Variants in CDIN1 observed in about 807,000 individuals in gnomAD.
CDIN1 encodes CDAN1 interacting nuclease 1.
CDIN1 carries 33 observed loss-of-function variants against 45.3 expected under a neutral mutation model. The ratio of observed to expected loss-of-function variants is 0.73; its 90% CI spans 0.55 to 0.97. CDIN1 has a LOEUF of 0.97. CDIN1 is among the 50% of genes least tolerant of loss of function. CDIN1 has a pLI of 0.00. For missense variants in CDIN1, 303 were observed against 339.4 expected (o/e 0.89, Z 0.84); for synonymous variants, 118 against 124.4 (o/e 0.95, Z 0.34).
chr15:36,597,261 A>G (rs1221485469), intron 1 of CDIN1, among the ~76,000 whole-genome samples: 2 of 152,256 alleles, frequency 1.3e-5, no homozygotes, highest in Admixed American at 1.3e-4. Context: ...TTGTTTGGAA[A>G]TAAAATGCCA....
chr15:36,613,306 G>A (rs1403681158), intron 1 of CDIN1, among the ~76,000 whole-genome samples: 1 of 152,182 alleles, frequency 6.6e-6, no homozygotes, highest in African/African-American at 2.4e-5. Flanking sequence ...CACTTGGAAG[G>A]CTAATAGGTG....
intron 1 of CDIN1, chr15:36,626,816 G>T: frequency 3.8e-6 from 1 of 262,644 alleles, no homozygotes; most frequent in South Asian, 4.1e-5. Flanking sequence ...GGAAGTGGGG[G>T]TTGGGGAGGG....
chr15:36,783,725 G>A (rs1177087505), intron 10 of CDIN1, among the ~76,000 whole-genome samples: 1 of 152,148 alleles, frequency 6.6e-6, no homozygotes, highest in Non-Finnish European at 1.5e-5. Context: ...GCTTGCGGAA[G>A]TTTAATTTAC....
intron 5 of CDIN1, among the ~76,000 whole-genome samples, chr15:36,682,355 T>G (rs773764242): frequency 2.0e-5 from 3 of 152,124 alleles, no homozygotes; most frequent in Non-Finnish European, 2.9e-5. Flanking sequence ...TACTCAGCCT[T>G]TTAGTTCTAG....
At position 36,752,299 on chromosome 15, in the gene CDIN1, G is replaced by A. The variant is rs547306750; in HGVS notation, c.716+42338G>A. Among the ~76,000 whole-genome samples, 49 of 152,304 alleles carry A rather than the reference G, an allele frequency of 3.2e-4. No individual in the cohort carries two copies. The South Asian group carries it at 0.01, about 32-fold the overall frequency. Reference sequence around the variant, plus strand: ...ATATTAAATACAATGTTTAATTGATGACTCAAAACATACCTTAAGTTTATC... The same window carrying A: ...ATATTAAATACAATGTTTAATTGATAACTCAAAACATACCTTAAGTTTATC... On this transcript the variant is annotated intron_variant, in intron 10 of 10. Coordinates refer to ENST00000566621, the MANE Select transcript of CDIN1 (RefSeq NM_001321759.2).
chr15:36,723,226 A>ACCTC (rs869123080), intron 10 of CDIN1, among the ~76,000 whole-genome samples: 1 of 151,178 alleles, frequency 6.6e-6, no homozygotes, highest in East Asian at 2.0e-4. Flanking sequence ...AACCATTACC[A>ACCTC]CCATTTTAAA....
At chr15:36,690,180 A>T (rs1352788859) in intron 5 of CDIN1, among the ~76,000 whole-genome samples, 1 of 152,176 alleles carries the variant, frequency 6.6e-6, no homozygotes, top group Non-Finnish European at 1.5e-5. Flanking sequence ...TAAAATAATC[A>T]TGCTTCATTT....
chr15:36,791,281 A>ATTTATTCAATGTCTACTG (rs1329807270), intron 10 of CDIN1, among the ~76,000 whole-genome samples: 1 of 152,262 alleles, frequency 6.6e-6, no homozygotes, highest in Non-Finnish European at 1.5e-5. Context: ...TTTAACAAAT[A>ATTTATTCAATGTCTACTG]TTTATTCAAT....
intron 5 of CDIN1, among the ~76,000 whole-genome samples, chr15:36,670,397 G>T (rs2041408381): frequency 6.6e-6 from 1 of 152,058 alleles, no homozygotes. Flanking sequence ...GGCCTGATAA[G>T]TATCAAAAGT....
chr15:36,806,698 G>A (rs1359783614), intron 10 of CDIN1, among the ~76,000 whole-genome samples: 1 of 152,164 alleles, frequency 6.6e-6, no homozygotes, highest in Non-Finnish European at 1.5e-5. Flanking sequence ...ACAAATCTGA[G>A]ATCATTTGAC....
chr15:36,640,326 T>C (rs929759834), intron 1 of CDIN1, among the ~76,000 whole-genome samples: 2 of 152,114 alleles, frequency 1.3e-5, no homozygotes, highest in African/African-American at 4.8e-5. Context: ...TCTGAATCAT[T>C]AACTACAGAC....
At chr15:36,759,459 T>C (rs371594420) in intron 10 of CDIN1, among the ~76,000 whole-genome samples, 1 of 152,150 alleles carries the variant, frequency 6.6e-6, no homozygotes, top group African/African-American at 2.4e-5. Context: ...CAGATAAATA[T>C]GTTTTTTCTT....
At chr15:36,661,988 T>C (rs1041887022) in intron 5 of CDIN1, among the ~76,000 whole-genome samples, 1 of 152,184 alleles carries the variant, frequency 6.6e-6, no homozygotes, top group African/African-American at 2.4e-5. Context: ...AGGTTGACAT[T>C]ATAATAAAAT....
At chr15:36,722,422 C>A (rs972449419) in intron 10 of CDIN1, among the ~76,000 whole-genome samples, 1 of 151,786 alleles carries the variant, frequency 6.6e-6, no homozygotes, top group Non-Finnish European at 1.5e-5. Context: ...TTATGCCCAG[C>A]AAAAGGGCAG....
intron 10 of CDIN1, among the ~76,000 whole-genome samples, chr15:36,789,443 C>A (rs1444553993): frequency 1.3e-5 from 2 of 152,108 alleles, no homozygotes; most frequent in East Asian, 3.8e-4. Context: ...TACTCTAAAT[C>A]TTCTGCGACC....
chr15:36,700,485 A>G (rs927157759), intron 8 of CDIN1, among the ~76,000 whole-genome samples: 1 of 152,078 alleles, frequency 6.6e-6, no homozygotes, highest in African/African-American at 2.4e-5. Context: ...ACTATCCTTT[A>G]TGAATGAAGA....
At chr15:36,746,853 G>T (rs1595550546) in intron 10 of CDIN1, 1 of 276,152 alleles carries the variant, frequency 3.6e-6, no homozygotes, top group South Asian at 1.7e-4. Flanking sequence ...AGGCTCAAGT[G>T]ACCCTCCCAC....
intron 1 of CDIN1, among the ~76,000 whole-genome samples, chr15:36,583,307 T>C (rs1255766230): frequency 1.3e-5 from 2 of 152,242 alleles, no homozygotes; most frequent in African/African-American, 2.4e-5. Context: ...TTTTAGTAAA[T>C]GCTGAGAGGT....
chr15:36,799,523 G>C (rs1287072176), intron 10 of CDIN1: 1 of 152,128 alleles, frequency 6.6e-6, no homozygotes, highest in Non-Finnish European at 1.5e-5. Context: ...CATGGAGAAA[G>C]TTTAAAGGGC....
Sources: gnomAD v4.1 joint callset for allele counts (sites outside exome capture counted in the v4.1 genomes callset) on GRCh38, gnomAD v4.1.1 for gene constraint, MANE v1.5 for transcripts, NCBI Gene and HGNC (gene_info 2026-07-23, HGNC 2026-07-21) for gene names.